The following CDKL5 variants were observed in gnomAD, a reference collection of about 807,000 sequenced individuals.
CDKL5 encodes cyclin-dependent kinase-like 5.
In CDKL5, 8 loss-of-function variants were observed where a neutral mutation model predicts 61.7. That is an observed-to-expected ratio of 0.13 (90% CI 0.08 to 0.23). The LOEUF (loss-of-function observed/expected upper bound fraction) is 0.23, where lower values mean the gene tolerates loss of function less well. Ranked by LOEUF, CDKL5 falls within the 10% of genes least tolerant of loss-of-function variation. CDKL5 has a pLI of 1.00. For synonymous variants in CDKL5, 275 were observed against 272.3 expected (o/e 1.01, Z -0.10); for missense variants, 440 against 734.5 (o/e 0.60, Z 4.63).
At chrX:18,593,487 A>G (rs2095025261) in intron 9 of CDKL5, among the ~76,000 whole-genome samples, 1 of 111,699 alleles carries the variant, frequency 9.0e-6, no homozygotes. Flanking sequence ...CTTTTATCAC[A>G]GCATGGTAGG....
At chrX:18,569,038 A>G (rs778205103) in intron 4 of CDKL5, among the ~76,000 whole-genome samples, 2 of 111,951 alleles carry the variant, frequency 1.8e-5, no homozygotes, top group South Asian at 3.7e-4. Context: ...ATACAATTCT[A>G]TCAGACAATT....
At chrX:18,651,486 G>C (rs989032001) in intron 21 of CDKL5, among the ~76,000 whole-genome samples, 2 of 111,070 alleles carry the variant, frequency 1.8e-5, no homozygotes, top group African/African-American at 6.6e-5. Flanking sequence ...TGATTCCCCT[G>C]AGGGGCTGGA....
chrX:18,555,432 G>C (rs10521680), intron 3 of CDKL5, among the ~76,000 whole-genome samples: 236 of 112,334 alleles, frequency 2.1e-3, no homozygotes, highest in African/African-American at 7.0e-3. Flanking sequence ...TTCATTCGTA[G>C]TGATAAAAAT....
rs753559152 is a variant in CDKL5 at position 18,478,471 on chromosome X, AG to A, written c.-162-28463del. On this transcript the variant is annotated intron_variant, in intron 1 of 17. Coordinates refer to ENST00000623535, the MANE Select transcript of CDKL5 (RefSeq NM_001323289.2). The stretch of plus-strand genomic sequence containing the variant: ...ACACCTGGCTAATTTTTGTAATCTT[AG>A]TAGAGATGGGGTTTCACCATGTTGG... Among the ~76,000 whole-genome samples, 454 of 107,086 alleles carry A rather than the reference AG, an allele frequency of 4.2e-3. 2 individuals carry two copies. In the Middle Eastern group the frequency reaches 0.044, roughly 10 times the overall value. 93.0% of individuals were successfully genotyped at this position (107,086 alleles called of 115,157 possible).
chrX:18,651,729 C>T lies in CDKL5; in HGVS notation c.2980+1137C>T, dbSNP rs1228136921. Among the ~76,000 whole-genome samples, 6 of 111,938 alleles carry T rather than the reference C, an allele frequency of 5.4e-5. No homozygotes were observed. In the East Asian group the frequency reaches 1.7e-3, roughly 32 times the overall value. On this transcript the variant is annotated intron_variant, in intron 21 of 21. Transcript: ENST00000379989. ...CTCCTCACAGGCCATTACAATGGGG[C>T]ACTCCGGCTGGATTTCTTCTAACGT... is the stretch of plus-strand genomic sequence containing the variant.
chrX:18,617,932 G>A (rs985723915), intron 15 of CDKL5, among the ~76,000 whole-genome samples: 4 of 111,491 alleles, frequency 3.6e-5, no homozygotes, highest in African/African-American at 9.8e-5. Flanking sequence ...GGGACCCAAC[G>A]ATGCAACATG....
chrX:18,645,727 G>A (rs955571207), intron 19 of CDKL5, among the ~76,000 whole-genome samples: 2 of 111,108 alleles, frequency 1.8e-5, no homozygotes, highest in Non-Finnish European at 3.8e-5. Flanking sequence ...ATGTGCTTGC[G>A]ATACTCTTCG....
intron 1 of CDKL5, among the ~76,000 whole-genome samples, chrX:18,428,004 G>A (rs1931404308): frequency 8.9e-6 from 1 of 111,782 alleles, no homozygotes; most frequent in African/African-American, 3.2e-5. Flanking sequence ...CGCATAGATG[G>A]GTAATAGAAG....
In CDKL5 at chrX:18,633,101, C is replaced by A; in HGVS notation, c.*4344C>A. The A allele has an allele frequency of 1.3e-6, 1 of 754,120 alleles. No individual in the cohort carries two copies. Among genetic ancestry groups the A allele is most frequent in the Non-Finnish European group, 1.6e-6 (1 of 639,345 alleles). The allele number at this position is 754,120 out of a possible 1,213,427, so 62.1% of individuals were successfully genotyped here. On this transcript the variant is annotated 3_prime_UTR_variant, in exon 18 of 18. Coordinates refer to ENST00000623535, the MANE Select transcript of CDKL5 (RefSeq NM_001323289.2). ...ACTCAGTAAATCTGCACGTTCTCTG[C>A]TGGTCAGAACATGTTTCCTGGAGAG...
intron 1 of CDKL5, among the ~76,000 whole-genome samples, chrX:18,489,085 CT>C (rs2147078882): frequency 9.0e-6 from 1 of 111,210 alleles, no homozygotes; most frequent in South Asian, 3.8e-4. Context: ...GGTCTTTTTC[CT>C]GGTCCAGGAG....
chrX:18,647,144 A>T, intron 20 of CDKL5: 1 of 1,177,560 alleles, frequency 8.5e-7, no homozygotes, highest in Non-Finnish European at 1.1e-6. Context: ...AGAGAGGCCT[A>T]TTTTTTTTTA....
intron 1 of CDKL5, among the ~76,000 whole-genome samples, chrX:18,495,544 T>C (rs764159024): frequency 8.9e-6 from 1 of 112,268 alleles, no homozygotes; most frequent in African/African-American, 3.2e-5. Flanking sequence ...ATCTTCACTT[T>C]AGTAGGTACC....
At chrX:18,606,840 G>A (rs1453073149) in intron 12 of CDKL5, among the ~76,000 whole-genome samples, 1 of 112,164 alleles carries the variant, frequency 8.9e-6, no homozygotes, top group Non-Finnish European at 1.9e-5. Context: ...ATATGTTTGG[G>A]ATTAAGTCAG....
chrX:18,475,863 T>C (rs5909185), intron 1 of CDKL5, among the ~76,000 whole-genome samples: 1 of 112,115 alleles, frequency 8.9e-6, no homozygotes, highest in Non-Finnish European at 1.9e-5. Context: ...AAAAATACAT[T>C]GTATAGAGTT....
chrX:18,488,963 A>G (rs1307610576), intron 1 of CDKL5, among the ~76,000 whole-genome samples: 2 of 111,793 alleles, frequency 1.8e-5, no homozygotes, highest in South Asian at 7.6e-4. Context: ...CCTGAAAGAA[A>G]TAGAAGTATT....
chrX:18,455,785 A>C (rs773665095), intron 1 of CDKL5, among the ~76,000 whole-genome samples: 4 of 112,754 alleles, frequency 3.5e-5, no homozygotes, highest in Non-Finnish European at 7.5e-5. Flanking sequence ...ATCACTGTTT[A>C]AGATTTCTGT....
At chrX:18,460,462 C>G (rs189449422) in intron 1 of CDKL5, among the ~76,000 whole-genome samples, 1 of 111,617 alleles carries the variant, frequency 9.0e-6, no homozygotes, top group East Asian at 2.8e-4. Context: ...GGACACAGAT[C>G]CAAACCATAT....
intron 1 of CDKL5, among the ~76,000 whole-genome samples, chrX:18,429,439 G>T (rs1246475551): frequency 4.5e-5 from 5 of 111,539 alleles, no homozygotes; most frequent in African/African-American, 1.3e-4. Flanking sequence ...GAATACATGT[G>T]TGTTCTCACA....
intron 3 of CDKL5, among the ~76,000 whole-genome samples, chrX:18,522,699 A>AT (rs908625039): frequency 1.9e-5 from 2 of 107,775 alleles, no homozygotes; most frequent in African/African-American, 6.8e-5. Context: ...TTTTTTAAAG[A>AT]TTTTTTTAAG....
Sources: allele counts gnomAD v4.1 joint callset (sites outside exome capture counted in the v4.1 genomes callset), GRCh38; gene constraint gnomAD v4.1.1; transcripts MANE v1.5; gene names NCBI Gene and HGNC (gene_info 2026-07-23, HGNC 2026-07-21).